Variants in MALRD1 observed in about 807,000 individuals in gnomAD.
MALRD1 encodes the protein MAM and LDL receptor class A domain containing 1.
Under a neutral mutation model 242.1 loss-of-function variants are expected in MALRD1, and 247 were observed. That is an observed-to-expected ratio of 1.02 (90% confidence interval 0.92 to 1.13). The LOEUF (loss-of-function observed/expected upper bound fraction) is 1.13, where lower values mean the gene tolerates loss of function less well. Ranked by LOEUF, MALRD1 falls within the 50% of genes most tolerant of loss-of-function variation. The pLI is 0.00. For synonymous variants in MALRD1, 995 were observed against 866.6 expected (o/e 1.15, Z -2.60); for missense variants, 2,989 against 2,533.1 (o/e 1.18, Z -3.86).
intron 21 of MALRD1, among the ~76,000 whole-genome samples, chr10:19,293,750 A>C (rs895257459): frequency 1.3e-5 from 2 of 151,664 alleles, no homozygotes; most frequent in South Asian, 4.2e-4. Flanking sequence ...ACTGTGACCT[A>C]TTTGAGGGTG....
At chr10:19,580,298 C>A (rs1394539887) in intron 33 of MALRD1, among the ~76,000 whole-genome samples, 2 of 152,076 alleles carry the variant, frequency 1.3e-5, no homozygotes, top group Non-Finnish European at 2.9e-5. Context: ...ATAATCCTGG[C>A]AAATATTGAT....
At chr10:19,057,749 A>T (rs1834709665) in intron 1 of MALRD1, among the ~76,000 whole-genome samples, 1 of 152,168 alleles carries the variant, frequency 6.6e-6, no homozygotes, top group Admixed American at 6.5e-5. Flanking sequence ...TCTAGCAAGG[A>T]TAAACTTTGG....
At chr10:19,226,458 A>T (rs947478517) in intron 18 of MALRD1, among the ~76,000 whole-genome samples, 9 of 152,142 alleles carry the variant, frequency 5.9e-5, no homozygotes, top group Non-Finnish European at 1.0e-4. Flanking sequence ...TCTTTAAAGT[A>T]TTGCATTCAA....
At chr10:19,423,401 T>G (rs1833786575) in intron 28 of MALRD1, among the ~76,000 whole-genome samples, 1 of 151,890 alleles carries the variant, frequency 6.6e-6, no homozygotes, top group East Asian at 1.9e-4. Flanking sequence ...TAAATAAATA[T>G]TAAATAATAT....
At chr10:19,466,535 C>T (rs1836224837) in intron 29 of MALRD1, among the ~76,000 whole-genome samples, 1 of 152,144 alleles carries the variant, frequency 6.6e-6, no homozygotes, top group African/African-American at 2.4e-5. Context: ...GTTCTGGAGG[C>T]TGGAAGTCCA....
chr10:19,245,124 T>C (rs1838981291), intron 18 of MALRD1, among the ~76,000 whole-genome samples: 2 of 152,324 alleles, frequency 1.3e-5, no homozygotes, highest in South Asian at 2.1e-4. Flanking sequence ...TAGAATTAAT[T>C]TTGTTTCAAT....
At chr10:19,356,093 A>G (rs1844625692) in intron 26 of MALRD1, among the ~76,000 whole-genome samples, 1 of 151,566 alleles carries the variant, frequency 6.6e-6, no homozygotes, top group African/African-American at 2.4e-5. Flanking sequence ...TGGCTCCCAG[A>G]ATTGGCTCTC....
At chr10:19,733,011 T>C (rs1283263432) in intron 39 of MALRD1, among the ~76,000 whole-genome samples, 1 of 152,234 alleles carries the variant, frequency 6.6e-6, no homozygotes, top group Non-Finnish European at 1.5e-5. Context: ...TTTGTGGCTA[T>C]TTTGATTTCT....
rs755309258 is a variant in MALRD1, at chr10:19,204,901, C to T, written c.2214C>T (p.Phe738=). 7 of 1,543,218 alleles carry T rather than the reference C, an allele frequency of 4.5e-6. No homozygotes were observed. Among genetic ancestry groups the T allele is most frequent in the South Asian group, 1.2e-5 (1 of 83,494 alleles). The change falls in exon 17 of 40, where the codon TTC becomes TTT. Residue 738 remains phenylalanine, a synonymous_variant. Coordinates refer to ENST00000454679, the MANE Select transcript of MALRD1 (RefSeq NM_001142308.3). ...TGPGCILSFW[F]YNYGLSVGAA... is the part of the protein sequence containing the mutation. Reference sequence around the variant, plus strand: ...TCTTACGTTTACTCTTTTTTAGGTTCTATAACTATGGCCTGTCAGTGGGAG... The same window carrying T: ...TCTTACGTTTACTCTTTTTTAGGTTTTATAACTATGGCCTGTCAGTGGGAG...
At chr10:19,485,877 A>G (rs1387889884) in intron 29 of MALRD1, among the ~76,000 whole-genome samples, 2 of 152,024 alleles carry the variant, frequency 1.3e-5, no homozygotes, top group Non-Finnish European at 2.9e-5. Context: ...TATGATGAAT[A>G]ATAATGGAAT....
At chr10:19,686,082 A>G (rs1023929991) in intron 36 of MALRD1, among the ~76,000 whole-genome samples, 35 of 152,168 alleles carry the variant, frequency 2.3e-4, no homozygotes, top group African/African-American at 7.0e-4. Context: ...CTCAGAAGAA[A>G]GAGTTCCACC....
chr10:19,356,412 A>C (rs1487711713), intron 26 of MALRD1, among the ~76,000 whole-genome samples: 1 of 152,190 alleles, frequency 6.6e-6, no homozygotes, highest in Non-Finnish European at 1.5e-5. Flanking sequence ...ATAGAGTCAC[A>C]ATGTGTAAGC....
chr10:19,301,656 A>G (rs1486458297), intron 21 of MALRD1, among the ~76,000 whole-genome samples: 1 of 151,750 alleles, frequency 6.6e-6, no homozygotes, highest in Non-Finnish European at 1.5e-5. Flanking sequence ...AGTGGGAACT[A>G]AACATTGAGT....
chr10:19,108,996 G>A (rs1419929394), intron 5 of MALRD1, among the ~76,000 whole-genome samples: 1 of 152,174 alleles, frequency 6.6e-6, no homozygotes, highest in Non-Finnish European at 1.5e-5. Flanking sequence ...CTGTGTTTTA[G>A]AGTATTGGTT....
At chr10:19,111,600 T>G (rs1836682280) in intron 5 of MALRD1, among the ~76,000 whole-genome samples, 1 of 152,228 alleles carries the variant, frequency 6.6e-6, no homozygotes, top group Non-Finnish European at 1.5e-5. Flanking sequence ...CTTTCAAAGA[T>G]AAATACTTGT....
chr10:19,085,363 TC>T (rs1210437182), intron 2 of MALRD1, among the ~76,000 whole-genome samples: 1 of 151,892 alleles, frequency 6.6e-6, no homozygotes, highest in Non-Finnish European at 1.5e-5. Context: ...AATTCTATAC[TC>T]ATACTAAAGG....
At chr10:19,682,259 A>T (rs1407422618) in intron 36 of MALRD1, among the ~76,000 whole-genome samples, 2 of 152,172 alleles carry the variant, frequency 1.3e-5, no homozygotes, top group African/African-American at 4.8e-5. Flanking sequence ...ATGAGCTGAG[A>T]TGGGCACACA....
intron 31 of MALRD1, among the ~76,000 whole-genome samples, chr10:19,509,631 A>G (rs901132907): frequency 1.3e-5 from 2 of 152,200 alleles, no homozygotes; most frequent in African/African-American, 4.8e-5. Context: ...AAGGTACAGT[A>G]TCGAGTCAGC....
At chr10:19,431,576 T>C (rs776280138) in intron 28 of MALRD1, among the ~76,000 whole-genome samples, 10 of 152,214 alleles carry the variant, frequency 6.6e-5, no homozygotes, top group Non-Finnish European at 1.3e-4. Context: ...CATTTTGCTT[T>C]TAGCACTCCT....
Sources: gnomAD v4.1 joint callset for allele counts (sites outside exome capture counted in the v4.1 genomes callset) on GRCh38, gnomAD v4.1.1 for gene constraint, MANE v1.5 for transcripts, NCBI Gene and HGNC (gene_info 2026-07-23, HGNC 2026-07-21) for gene names.